The following TBC1D22A variants were observed in gnomAD, a reference collection of about 807,000 sequenced individuals.
The protein encoded by TBC1D22A is putative GTPase activator.
TBC1D22A carries 38 observed loss-of-function variants against 60.2 expected under a neutral mutation model. That is an observed-to-expected ratio of 0.63 (90% CI 0.49 to 0.83). The LOEUF (loss-of-function observed/expected upper bound fraction) is 0.83, where lower values mean the gene tolerates loss of function less well. TBC1D22A is among the 40% of genes least tolerant of loss of function. The pLI is 0.00. For missense variants in TBC1D22A, 628 were observed against 701.0 expected, an observed-to-expected ratio of 0.90 and a Z score of 1.18; for synonymous variants, 302 against 281.7, an observed-to-expected ratio of 1.07 and a Z score of -0.72.
chr22:46,944,224 C>T, intron 8 of TBC1D22A, among the ~76,000 whole-genome samples: 1 of 152,156 alleles, frequency 6.6e-6, no homozygotes, highest in East Asian at 1.9e-4. Flanking sequence ...TTATTTTAGC[C>T]ATCCTACTGG....
intron 12 of TBC1D22A, among the ~76,000 whole-genome samples, chr22:47,126,325 C>T (rs1428406238): frequency 1.3e-5 from 2 of 152,230 alleles, no homozygotes; most frequent in African/African-American, 4.8e-5. Flanking sequence ...TTTCAGGCCA[C>T]CAGAAGACAG....
chr22:46,823,383 C>T (rs1378123640), intron 4 of TBC1D22A, among the ~76,000 whole-genome samples: 1 of 152,194 alleles, frequency 6.6e-6, no homozygotes, highest in African/African-American at 2.4e-5. Flanking sequence ...GTGTGCATCA[C>T]CAGCTCCATT....
chr22:47,171,841 G>A (rs548108336), intron 12 of TBC1D22A, among the ~76,000 whole-genome samples: 10 of 152,224 alleles, frequency 6.6e-5, no homozygotes, highest in South Asian at 2.1e-4. Context: ...TCCGCATCCC[G>A]GCCTCCAGAC....
intron 4 of TBC1D22A, among the ~76,000 whole-genome samples, chr22:46,834,083 C>T (rs1369072206): frequency 6.6e-6 from 1 of 152,106 alleles, no homozygotes; most frequent in Admixed American, 6.5e-5. Flanking sequence ...TATCCCTAGC[C>T]TCTGAAGTAG....
chr22:46,984,241 C>T (rs1047564017), intron 9 of TBC1D22A, among the ~76,000 whole-genome samples: 4 of 151,384 alleles, frequency 2.6e-5, no homozygotes, highest in African/African-American at 9.7e-5. Context: ...GTGGCGCGCG[C>T]CTGTAATCCC....
At chr22:47,094,381 G>A (rs1569440330) in intron 11 of TBC1D22A, among the ~76,000 whole-genome samples, 1 of 152,152 alleles carries the variant, frequency 6.6e-6, no homozygotes, top group Non-Finnish European at 1.5e-5. Flanking sequence ...ATGTGCGTGG[G>A]TCTCATCCCA....
At chr22:46,869,520 T>G (rs1397351809) in intron 4 of TBC1D22A, among the ~76,000 whole-genome samples, 1 of 152,208 alleles carries the variant, frequency 6.6e-6, no homozygotes, top group African/African-American at 2.4e-5. Context: ...GGGGAGTGTC[T>G]CAGTGGCTTT....
At chr22:47,054,713 G>C (rs1384152404) in intron 11 of TBC1D22A, among the ~76,000 whole-genome samples, 2 of 151,932 alleles carry the variant, frequency 1.3e-5, no homozygotes, top group East Asian at 1.9e-4. Context: ...CAGGGCCGGT[G>C]GTGGGCGCCT....
chr22:47,043,582 G>C lies in TBC1D22A; in HGVS notation c.1329+6384G>C, dbSNP rs370970741. Among the ~76,000 whole-genome samples the C allele has an allele frequency of 1.1e-4, 16 of 152,318 alleles. 1 individual carries two copies. The East Asian group carries it at 2.7e-3, about 26-fold the overall frequency. On this transcript the variant is annotated intron_variant, in intron 11 of 12. Coordinates refer to ENST00000337137, the MANE Select transcript of TBC1D22A (RefSeq NM_014346.5). ...ACAGGTGCCCAGGTGTGCTGAGGAC[G>C]TAGGGAAGATGGGGTGTGTTCATCT...
At chr22:46,881,946 G>C (rs572211734) in intron 5 of TBC1D22A, among the ~76,000 whole-genome samples, 1 of 152,328 alleles carries the variant, frequency 6.6e-6, no homozygotes, top group Non-Finnish European at 1.5e-5. Context: ...ACCCATCCCT[G>C]AGTCAGCATG....
intron 11 of TBC1D22A, among the ~76,000 whole-genome samples, chr22:47,102,355 T>C (rs1367261777): frequency 6.6e-6 from 1 of 152,128 alleles, no homozygotes; most frequent in African/African-American, 2.4e-5. Flanking sequence ...CTCCTCCTGC[T>C]TGACCCACCC....
chr22:46,906,919 A>T (rs961908251), intron 7 of TBC1D22A, among the ~76,000 whole-genome samples: 4 of 151,010 alleles, frequency 2.6e-5, no homozygotes, highest in Non-Finnish European at 5.9e-5. Flanking sequence ...TGTGCTTTTC[A>T]TGTGTGCGCG....
At chr22:46,854,045 C>T (rs926718985) in intron 4 of TBC1D22A, among the ~76,000 whole-genome samples, 1 of 152,218 alleles carries the variant, frequency 6.6e-6, no homozygotes, top group African/African-American at 2.4e-5. Flanking sequence ...GACTCTTTCT[C>T]CTTCACACCC....
At chr22:47,133,097 C>T (rs1275710534) in intron 12 of TBC1D22A, among the ~76,000 whole-genome samples, 1 of 152,248 alleles carries the variant, frequency 6.6e-6, no homozygotes, top group Admixed American at 6.5e-5. Context: ...TAAAATGTAA[C>T]AGCCTATCCA....
At chr22:46,907,779 A>G (rs755749689) in intron 7 of TBC1D22A, among the ~76,000 whole-genome samples, 5 of 152,252 alleles carry the variant, frequency 3.3e-5, no homozygotes, top group Non-Finnish European at 5.9e-5. Flanking sequence ...GCCACAGGCC[A>G]GAGCCGGGGC....
intron 7 of TBC1D22A, among the ~76,000 whole-genome samples, chr22:46,902,555 C>G (rs2069075501): frequency 6.6e-6 from 1 of 152,266 alleles, no homozygotes; most frequent in Non-Finnish European, 1.5e-5. Flanking sequence ...TAGATAATAT[C>G]ACCACTTAAG....
chr22:46,968,121 G>T (rs567342648), intron 8 of TBC1D22A, among the ~76,000 whole-genome samples: 1 of 152,352 alleles, frequency 6.6e-6, no homozygotes, highest in South Asian at 2.1e-4. Context: ...CACGCACTGC[G>T]TGGCATGGCT....
At position 47,030,350 on chromosome 22, in the gene TBC1D22A, A is replaced by C. The variant is rs112802883; in HGVS notation, c.1202-6721A>C. On this transcript the variant is annotated intron_variant, in intron 10 of 12. Transcript: ENST00000337137. ...GCATAAACAGTGTGTGTTTTATGCC[A>C]AGTCAATGGGATACGTGTTTTTTCC... Among the ~76,000 whole-genome samples, 659 of 152,360 alleles carry C rather than the reference A, an allele frequency of 4.3e-3. 5 individuals are homozygous for C. The highest frequency in any genetic ancestry group is 0.015 in the African/African-American group (637 of 41,580).
At chr22:46,881,129 A>C (rs746010649) in intron 5 of TBC1D22A, among the ~76,000 whole-genome samples, 1 of 152,100 alleles carries the variant, frequency 6.6e-6, no homozygotes, top group Non-Finnish European at 1.5e-5. Context: ...CAGCCGCCCT[A>C]CTGCCATCCC....
Sources: gnomAD v4.1 joint callset for allele counts (sites outside exome capture counted in the v4.1 genomes callset) on GRCh38, gnomAD v4.1.1 for gene constraint, MANE v1.5 for transcripts, NCBI Gene and HGNC (gene_info 2026-07-23, HGNC 2026-07-21) for gene names.